Variants in CNBD1 observed in about 807,000 individuals in gnomAD.
CNBD1 encodes the protein cyclic nucleotide binding domain containing 1.
CNBD1 carries 71 observed loss-of-function variants against 54.4 expected under a neutral mutation model. The ratio of observed to expected loss-of-function variants is 1.30; its 90% CI spans 1.08 to 1.59. The LOEUF is 1.59. Among genes scored for constraint, CNBD1 ranks in the 40% most tolerant of loss-of-function variants. The pLI is 0.00. For missense variants in CNBD1, 659 were observed against 518.0 expected, an observed-to-expected ratio of 1.27 and a Z score of -2.64; for synonymous variants, 182 against 170.7, an observed-to-expected ratio of 1.07 and a Z score of -0.51.
chr8:87,100,238 CTTG>C (rs1811401236), intron 4 of CNBD1, among the ~76,000 whole-genome samples: 1 of 152,054 alleles, frequency 6.6e-6, no homozygotes, highest in Non-Finnish European at 1.5e-5. Flanking sequence ...GTTCTAGAGC[CTTG>C]TTGTCATGCT....
chr8:86,965,264 C>T (rs564620845), intron 4 of CNBD1, among the ~76,000 whole-genome samples: 14 of 152,234 alleles, frequency 9.2e-5, no homozygotes, highest in African/African-American at 2.2e-4. Flanking sequence ...AAGGTCCTAG[C>T]GCGGACACCC....
intron 5 of CNBD1, among the ~76,000 whole-genome samples, chr8:87,226,088 C>T (rs954024772): frequency 6.6e-6 from 1 of 152,038 alleles, no homozygotes; most frequent in African/African-American, 2.4e-5. Flanking sequence ...GTGGTGATAT[C>T]CCCTTTACCA....
intron 8 of CNBD1, among the ~76,000 whole-genome samples, chr8:87,292,574 A>G (rs947573799): frequency 1.3e-5 from 2 of 152,198 alleles, no homozygotes; most frequent in Non-Finnish European, 2.9e-5. Flanking sequence ...TCTTATTAAT[A>G]CAACTGTAAG....
At chr8:87,279,717 T>A (rs1808557369) in intron 6 of CNBD1, among the ~76,000 whole-genome samples, 1 of 151,148 alleles carries the variant, frequency 6.6e-6, no homozygotes, top group South Asian at 2.1e-4. Context: ...CGAGATTATA[T>A]ATTTTTATAT....
chr8:87,274,016 C>T (rs1270506424), intron 6 of CNBD1, among the ~76,000 whole-genome samples: 12 of 149,802 alleles, frequency 8.0e-5, no homozygotes, highest in African/African-American at 2.7e-4. Flanking sequence ...TGAGAATATG[C>T]GGTGTTTGGT....
intron 4 of CNBD1, among the ~76,000 whole-genome samples, chr8:87,010,660 G>T (rs900796495): frequency 6.6e-6 from 1 of 152,054 alleles, no homozygotes; most frequent in Non-Finnish European, 1.5e-5. Context: ...CAGGAGAATT[G>T]CTTGAACCTG....
At chr8:86,890,999 T>C (rs1330536528) in intron 2 of CNBD1, among the ~76,000 whole-genome samples, 1 of 152,000 alleles carries the variant, frequency 6.6e-6, no homozygotes, top group Non-Finnish European at 1.5e-5. Flanking sequence ...TAATTCCTTA[T>C]TTGATATATA....
At chr8:87,415,610 G>C (rs1807822233) in intron 2 of CNBD1, among the ~76,000 whole-genome samples, 1 of 151,754 alleles carries the variant, frequency 6.6e-6, no homozygotes, top group African/African-American at 2.4e-5. Context: ...AACTTGTCCT[G>C]GAAATCTAAC....
intron 8 of CNBD1, among the ~76,000 whole-genome samples, chr8:87,328,609 A>G (rs1809744501): frequency 6.6e-6 from 1 of 151,900 alleles, no homozygotes; most frequent in Non-Finnish European, 1.5e-5. Context: ...TTCCATATCA[A>G]TTTTAGGATT....
At chr8:87,414,647 T>G (rs932044910) in intron 2 of CNBD1, among the ~76,000 whole-genome samples, 8 of 152,052 alleles carry the variant, frequency 5.3e-5, no homozygotes, top group African/African-American at 1.9e-4. Context: ...ACAATATATC[T>G]TCTTGTACTA....
chr8:87,229,723 C>T (rs549646388), intron 5 of CNBD1, among the ~76,000 whole-genome samples: 1 of 151,738 alleles, frequency 6.6e-6, no homozygotes, highest in East Asian at 1.9e-4. Flanking sequence ...TTTATTCTCC[C>T]CTAGTACATC....
intron 4 of CNBD1, among the ~76,000 whole-genome samples, chr8:87,150,909 C>G (rs1221958724): frequency 1.3e-5 from 2 of 152,236 alleles, no homozygotes; most frequent in Admixed American, 1.3e-4. Context: ...AATTACATCT[C>G]AAGAAGCAGA....
chr8:87,047,423 A>G (rs1810218533), intron 4 of CNBD1, among the ~76,000 whole-genome samples: 1 of 152,190 alleles, frequency 6.6e-6, no homozygotes, highest in South Asian at 2.1e-4. Flanking sequence ...TTGTTCAGGG[A>G]AAACCCAGCA....
chr8:86,890,771 A>G (rs760574815), intron 2 of CNBD1, among the ~76,000 whole-genome samples: 5 of 152,060 alleles, frequency 3.3e-5, no homozygotes, highest in Non-Finnish European at 7.4e-5. Flanking sequence ...CTTTTTGATA[A>G]CAGCCATTCT....
At chr8:87,369,228 A>T (rs768087301) in intron 10 of CNBD1, among the ~76,000 whole-genome samples, 8 of 152,002 alleles carry the variant, frequency 5.3e-5, no homozygotes, top group Non-Finnish European at 8.8e-5. Context: ...ACTAGGATTC[A>T]TTACATTGAT....
At chr8:87,383,110 A>T (rs1329901554), downstream of CNBD1, among the ~76,000 whole-genome samples, 1 of 152,008 alleles carries the variant, frequency 6.6e-6, no homozygotes, top group African/African-American at 2.4e-5. Context: ...TTCCAAATTT[A>T]TTTGAGAACT....
At chr8:87,054,316 C>CCATCT (rs1462338978) in intron 4 of CNBD1, among the ~76,000 whole-genome samples, 3 of 152,180 alleles carry the variant, frequency 2.0e-5, no homozygotes, top group African/African-American at 7.2e-5. Flanking sequence ...AAAAAATAAT[C>CCATCT]CATCTCATAG....
intron 5 of CNBD1, among the ~76,000 whole-genome samples, chr8:87,232,454 CTT>C (rs1807464084): frequency 6.6e-6 from 1 of 152,078 alleles, no homozygotes; most frequent in South Asian, 2.1e-4. Context: ...AGTTTTTAAA[CTT>C]TTGGCTATTG....
At chr8:87,294,797 T>A (rs1018582252) in intron 8 of CNBD1, among the ~76,000 whole-genome samples, 6 of 152,194 alleles carry the variant, frequency 3.9e-5, no homozygotes, top group African/African-American at 1.2e-4. Flanking sequence ...TTTTCAGCTT[T>A]ATCTGTAATA....
Sources: allele counts gnomAD v4.1 joint callset (sites outside exome capture counted in the v4.1 genomes callset), GRCh38; gene constraint gnomAD v4.1.1; transcripts MANE v1.5; gene names NCBI Gene and HGNC (gene_info 2026-07-23, HGNC 2026-07-21).